GSTM5: variants seen among roughly 807,000 people sequenced by gnomAD.
GSTM5 encodes GST class-mu 5.
In GSTM5, 24 loss-of-function variants were observed where a neutral mutation model predicts 29.0. The observed-to-expected ratio is 0.83, with a 90% CI of 0.60 to 1.16. GSTM5 has a LOEUF of 1.16. Ranked by LOEUF, GSTM5 falls within the 50% of genes most tolerant of loss-of-function variation. GSTM5 has a pLI of 0.00. For missense variants in GSTM5, 290 were observed against 263.0 expected (o/e 1.10, Z -0.71); for synonymous variants, 91 against 93.6 (o/e 0.97, Z 0.16).
intron 5 of GSTM5, chr1:109,714,015 C>A: frequency 2.8e-6 from 1 of 355,790 alleles, no homozygotes; most frequent in Non-Finnish European, 5.3e-6. Context: ...TGAGTCTCCC[C>A]AGTGAGCTGC....
At position 109,715,052 on chromosome 1, in the gene GSTM5, G is replaced by A; in HGVS notation, c.456+10G>A. 2 of 1,614,172 alleles carry A rather than the reference G, an allele frequency of 1.2e-6. No individual in the cohort carries two copies. Among genetic ancestry groups the A allele is most frequent in the South Asian group, 1.1e-5 (1 of 91,088 alleles). On this transcript the variant is annotated intron_variant, in intron 6 of 7. Coordinates refer to ENST00000256593, the MANE Select transcript of GSTM5 (RefSeq NM_000851.4). The stretch of plus-strand genomic sequence containing the variant: ...GTTTGCAGGAGACAAGGTAAAGGAG[G>A]AGTGATATGGGGAATGAGATCTGTT...
chr1:109,715,176 G>T lies in GSTM5; in HGVS notation c.503G>T (p.Arg168Leu), dbSNP rs767764856. ...GCCTATGATGTCCTTGACATGAAGC[G>T]TATATTTGAGCCCAAGTGCTTGGAC... ...FLAYDVLDMK[R>L]IFEPKCLDAF... Residue 168 changes from arginine to leucine, a missense_variant, in exon 7 of 8, where the codon CGT (arginine) becomes CTT (leucine). Transcript: ENST00000256593. The T allele has an allele frequency of 6.2e-7, 1 of 1,614,192 alleles. No homozygotes were observed. Among genetic ancestry groups the T allele is most frequent in the Non-Finnish European group, 8.5e-7 (1 of 1,180,036 alleles).
At chr1:109,712,896 TTGGG>T (rs1420302175) in intron 2 of GSTM5, 7 of 840,454 alleles carry the variant, frequency 8.3e-6, no homozygotes, top group East Asian at 8.0e-5. Context: ...TCTAATTGGG[TTGGG>T]TGTCCCTCAG....
Position 109,712,498 on chromosome 1 carries a change from G to C in GSTM5, c.37-120G>C, listed in dbSNP as rs1648587738. The C allele has an allele frequency of 3.0e-6, 4 of 1,330,398 alleles. No individual in the cohort carries two copies. The African/African-American group carries it at 5.7e-5, about 19-fold the overall frequency. The allele number at this position is 1,330,398 out of a possible 1,614,324, so 82.4% of individuals were successfully genotyped here. On this transcript the variant is annotated intron_variant, in intron 1 of 7. Transcript: ENST00000256593. ...ACGCTGTGTGTGTGTTTGGGGGTGG[G>C]GGCGGGTAGAGGAGGCGACGGGTAC...
rs1570649629 is a variant in GSTM5, at chr1:109,713,206, T to G, written c.177+23T>G. The G allele has an allele frequency of 2.5e-6, 4 of 1,611,900 alleles. No individual in the cohort carries two copies. In the African/African-American group the frequency reaches 4.0e-5, roughly 16 times the overall value. ...AATGTAGGTGCAGGGGAAGGGGCGG[T>G]TTTGGGGGAAAGTGCGACGTGTCTC... On this transcript the variant is annotated intron_variant, in intron 3 of 7. Coordinates refer to ENST00000256593, the MANE Select transcript of GSTM5 (RefSeq NM_000851.4).
chr1:109,715,753 C>G (rs557525364), intron 7 of GSTM5: 1 of 410,940 alleles, frequency 2.4e-6, no homozygotes. Context: ...CCCCCAGAAG[C>G]TTTGCATGAT....
Position 109,714,944 on chromosome 1 carries a change from C to T in GSTM5, c.361-3C>T. ...GGGTGGTGACAGCTGTTTTCTGCCT[C>T]AGGAGAAACTGAAGCCAAAATACTT... is the stretch of plus-strand genomic sequence containing the variant. On this transcript the variant is annotated splice_polypyrimidine_tract_variant and splice_region_variant and intron_variant, in intron 5 of 7. Coordinates refer to ENST00000256593, the MANE Select transcript of GSTM5 (RefSeq NM_000851.4). 6.2e-7 allele frequency: 1 copy of T among 1,614,232 alleles called. No homozygotes were observed. The highest frequency in any genetic ancestry group is 1.1e-5 in the South Asian group (1 of 91,088).
At chr1:109,712,095 C>A (rs1648535586), upstream of GSTM5, among the ~76,000 whole-genome samples, 1 of 152,150 alleles carries the variant, frequency 6.6e-6, no homozygotes, top group Non-Finnish European at 1.5e-5. Flanking sequence ...GGCGCCCTGA[C>A]CTCGCTCCCG....
Position 109,713,661 on chromosome 1 carries a change from G to A in GSTM5, c.260G>A (p.Cys87Tyr), listed in dbSNP as rs776755683. The change falls in exon 5 of 8, where the codon TGT (cysteine) becomes TAT (tyrosine). Residue 87 changes from cysteine (C) to tyrosine (Y), a missense_variant and splice_region_variant. Transcript: ENST00000256593. The stretch of plus-strand genomic sequence containing the variant: ...TGAGTCTGTGTTTTGTGGGTGGCAG[G>A]TGGGGAGACAGAAGAGGAGAAGATT... Reference protein sequence around the residue: ...LRYIARKHNLCGETEEEKIRV... With the variant: ...LRYIARKHNLYGETEEEKIRV... 4.3e-6 allele frequency: 7 copies of A among 1,614,102 alleles called. No homozygotes were observed. In the Admixed American group the frequency reaches 1.2e-4, roughly 27 times the overall value.
chr1:109,717,122 A>G, intron 7 of GSTM5: 5 of 200,294 alleles, frequency 2.5e-5, no homozygotes, highest in Non-Finnish European at 3.7e-5. Flanking sequence ...GATCTTTCGT[A>G]AATGGTAGCT....
intron 2 of GSTM5, 131 bp from the exon 3 acceptor site, chr1:109,712,988 G>A: frequency 9.5e-7 from 1 of 1,051,968 alleles, no homozygotes; most frequent in Admixed American, 2.0e-5. Context: ...CTGAACCCTG[G>A]GATGTGGGAC....
At position 109,712,383 on chromosome 1, in the gene GSTM5, G is replaced by T. The variant is rs1648552903; in HGVS notation, c.36+35G>T. ...GGTCCTCTGGTGGGTGGGACAGGGG[G>T]CGGAGGCGGGGATGTGTGGAGTAGC... On this transcript the variant is annotated intron_variant, in intron 1 of 7. Coordinates refer to ENST00000256593, the MANE Select transcript of GSTM5 (RefSeq NM_000851.4). 5.6e-6 allele frequency: 9 copies of T among 1,608,692 alleles called. No individual in the cohort carries two copies. In the African/African-American group the frequency reaches 6.7e-5, roughly 12 times the overall value.
At chr1:109,715,878 A>C in intron 7 of GSTM5, 3 of 557,888 alleles carry the variant, frequency 5.4e-6, no homozygotes, top group Non-Finnish European at 6.4e-6. Context: ...GTGCTGGGGC[A>C]CTCTCCTTCT....
intron 1 of GSTM5, 75 bp downstream of exon 1, chr1:109,712,423 T>G: frequency 6.5e-7 from 1 of 1,533,816 alleles, no homozygotes. Flanking sequence ...GGACTGGCTC[T>G]AGGGACCGTT....
intron 7 of GSTM5, chr1:109,716,845 G>T (rs575661552): frequency 6.5e-6 from 1 of 154,542 alleles, no homozygotes; most frequent in Non-Finnish European, 1.4e-5. Context: ...TGTTTGTGCC[G>T]ACAAGGAGTG....
Position 109,717,418 on chromosome 1 carries a change from A to G in GSTM5, c.649A>G (p.Ser217Gly), listed in dbSNP as rs113130058. The G allele has an allele frequency of 9.3e-3, 15,014 of 1,612,738 alleles. 90 individuals are homozygous for G. The highest frequency in any genetic ancestry group is 0.01 in the Non-Finnish European group (12,271 of 1,178,750). The change falls in exon 8 of 8, where the codon AGC (serine) becomes GGC (glycine). Residue 217 changes from serine to glycine, a missense_variant. Transcript: ENST00000256593. ...LLFGKSATWN[S>G]K ...GTTTGGAAAGTCAGCTACATGGAAC[A>G]GCAAATAGGGCCCAGTGATGCCAGA...
intron 2 of GSTM5, 114 bp downstream of exon 2, chr1:109,712,807 T>C: frequency 8.1e-7 from 1 of 1,241,106 alleles, no homozygotes; most frequent in Non-Finnish European, 1.2e-6. Flanking sequence ...AGCTGCAGGC[T>C]GTCCCTTCCC....
In GSTM5 at chr1:109,715,112, A is replaced by G. The variant is rs1648697807; in HGVS notation, c.457-18A>G. ...GTGTTTCGGGGTTTTCAGCCCACAC[A>G]TTCTTGGCCTTCTTCAGATCACCTT... On this transcript the variant is annotated intron_variant, in intron 6 of 7. Transcript: ENST00000256593. The G allele has an allele frequency of 1.2e-6, 2 of 1,614,102 alleles. No homozygotes were observed. Among genetic ancestry groups the G allele is most frequent in the African/African-American group, 1.3e-5 (1 of 74,950 alleles).
chr1:109,712,540 G>T (rs1648590763), intron 1 of GSTM5, 78 bp from the exon 2 acceptor site: 8 of 1,530,242 alleles, frequency 5.2e-6, no homozygotes, highest in Non-Finnish European at 7.2e-6. Flanking sequence ...TATAGACTAG[G>T]GGCTGGCCTG....
Sources: gnomAD v4.1 joint callset for allele counts (sites outside exome capture counted in the v4.1 genomes callset) on GRCh38, gnomAD v4.1.1 for gene constraint, MANE v1.5 for transcripts, NCBI Gene and HGNC (gene_info 2026-07-23, HGNC 2026-07-21) for gene names.